The following FGF11 variants were observed in gnomAD, a reference collection of about 807,000 sequenced individuals.
FGF11 encodes fibroblast growth factor homologous factor 3.
FGF11 carries 25 observed loss-of-function variants against 25.1 expected under a neutral mutation model. The ratio of observed to expected loss-of-function variants is 1.00; its 90% CI spans 0.73 to 1.39. FGF11 has a LOEUF of 1.39. Among genes scored for constraint, FGF11 ranks in the 40% most tolerant of loss-of-function variants. The pLI is 0.00. For synonymous variants in FGF11, 130 were observed against 128.9 expected, an observed-to-expected ratio of 1.01 and a Z score of -0.06; for missense variants, 320 against 311.0, an observed-to-expected ratio of 1.03 and a Z score of -0.22.
intron 2 of FGF11, 61 bp downstream of exon 2, chr17:7,441,642 C>A: frequency 6.2e-7 from 1 of 1,602,680 alleles, no homozygotes; most frequent in East Asian, 2.2e-5. Context: ...AGATGACAAT[C>A]CTATTCCCTC....
At position 7,440,825 on chromosome 17, in the gene FGF11, C is replaced by T. The variant is rs1037012234; in HGVS notation, c.194-646C>T. On this transcript the variant is annotated intron_variant, in intron 1 of 4. Coordinates refer to ENST00000293829, the MANE Select transcript of FGF11 (RefSeq NM_004112.4). The surrounding 1 kb of genome is among the most constrained non-coding windows in gnomAD (Gnocchi z 5.4). ...CACCCCCCATATCCTTGGTAAGGTC[C>T]CCCTTACCCCAGGCGAGTTACCTGG... The T allele has an allele frequency of 5.1e-6, 5 of 987,342 alleles. No homozygotes were observed. Among genetic ancestry groups the T allele is most frequent in the African/African-American group, 1.7e-5 (1 of 57,228 alleles). The allele number at this position is 987,342 out of a possible 1,614,324, so 61.2% of individuals were successfully genotyped here.
upstream of FGF11, chr17:7,439,433 T>C: frequency 2.3e-6 from 1 of 431,564 alleles, no homozygotes; most frequent in Non-Finnish European, 3.9e-6. Flanking sequence ...GGCCCACGGG[T>C]GGTAACTGGC....
intron 4 of FGF11, 61 bp from the exon 5 acceptor site, chr17:7,443,015 C>A: frequency 7.3e-7 from 1 of 1,374,198 alleles, no homozygotes; most frequent in Non-Finnish European, 1.0e-6. Context: ...AGCACTGGTT[C>A]TGCCTGGGTC....
upstream of FGF11, among the ~76,000 whole-genome samples, chr17:7,438,706 G>T (rs1350822095): frequency 6.6e-6 from 1 of 152,182 alleles, no homozygotes; most frequent in Non-Finnish European, 1.5e-5. Flanking sequence ...AGATTGGAGG[G>T]CGTGGGATCT....
intron 4 of FGF11, 47 bp from the exon 5 acceptor site, chr17:7,443,029 C>A: frequency 6.8e-7 from 1 of 1,472,054 alleles, no homozygotes; most frequent in Non-Finnish European, 9.5e-7. Context: ...CTGGGTCCCT[C>A]TGTGCCTAAC....
Position 7,441,840 on chromosome 17 carries a change from C to G in FGF11, c.369C>G (p.His123Gln). Reference sequence around the variant, plus strand: ...CCATCCAGAGCGCCAAGCTGGGTCACTACATGGCCATGAATGCTGAGGGAC... The same window carrying G: ...CCATCCAGAGCGCCAAGCTGGGTCAGTACATGGCCATGAATGCTGAGGGAC... ...VVTIQSAKLG[H>Q]YMAMNAEGLL... is the part of the protein sequence containing the mutation. The change falls in exon 3 of 5, where the codon CAC (histidine) becomes CAG (glutamine). Residue 123 changes from histidine to glutamine, a missense_variant. His to Gln is a conservative substitution (Grantham distance 24). Coordinates refer to ENST00000293829, the MANE Select transcript of FGF11 (RefSeq NM_004112.4). The G allele has an allele frequency of 6.2e-7, 1 of 1,612,716 alleles. No individual in the cohort carries two copies.
intron 1 of FGF11, 84 bp from the exon 2 acceptor site, chr17:7,441,387 T>C: frequency 6.4e-7 from 1 of 1,566,964 alleles, no homozygotes; most frequent in South Asian, 1.1e-5. Flanking sequence ...TTCATTCTCC[T>C]TTCTTCCCTC....
At chr17:7,442,164 G>A (rs149012254) in intron 3 of FGF11, 762 of 383,938 alleles carry the variant, frequency 2.0e-3, no homozygotes, top group Admixed American at 4.5e-3. Flanking sequence ...TCCAGATTTT[G>A]TCATTACTCA....
At position 7,440,635 on chromosome 17, in the gene FGF11, C is replaced by T. The variant is rs1166859694; in HGVS notation, c.193+822C>T. On this transcript the variant is annotated intron_variant, in intron 1 of 4. Coordinates refer to ENST00000293829, the MANE Select transcript of FGF11 (RefSeq NM_004112.4). This position sits in a 1 kb window ranked among gnomAD's most constrained non-coding sequence, Gnocchi z 5.4. Reference sequence around the variant, plus strand: ...CGTCCATGTACGACAGTCAGGGAGTCCCTCTGGCCCTGCTCCCGCCCGCTC... The same window carrying T: ...CGTCCATGTACGACAGTCAGGGAGTTCCTCTGGCCCTGCTCCCGCCCGCTC... 10 of 983,694 alleles carry T rather than the reference C, an allele frequency of 1.0e-5. No individual in the cohort carries two copies. The highest frequency in any genetic ancestry group is 1.2e-5 in the Non-Finnish European group (10 of 828,568). 60.9% of individuals were successfully genotyped at this position (983,694 alleles called of 1,614,324 possible).
At chr17:7,442,185 G>A in intron 3 of FGF11, 1 of 368,182 alleles carries the variant, frequency 2.7e-6, no homozygotes, top group Non-Finnish European at 4.9e-6. Flanking sequence ...CTTCCCTAGA[G>A]TCATCCAGGA....
rs768412913 is a variant in FGF11, at chr17:7,441,520, C to A, written c.243C>A (p.Phe81Leu). The change falls in exon 2 of 5, where the codon TTC (phenylalanine) becomes TTA (leucine). Residue 81 changes from phenylalanine (F) to leucine (L), a missense_variant. By Grantham distance (22) the Phe-to-Leu change is conservative. Coordinates refer to ENST00000293829, the MANE Select transcript of FGF11 (RefSeq NM_004112.4). ...CCAAACTGTTCTGCCGCCAGGGTTT[C>A]TACCTCCAGGCGAATCCCGACGGAA... The part of the protein sequence containing the change: ...IVTKLFCRQG[F>L]YLQANPDGSI... 6.2e-7 allele frequency: 1 copy of A among 1,614,196 alleles called. No homozygotes were observed. The highest frequency in any genetic ancestry group is 8.5e-7 in the Non-Finnish European group (1 of 1,180,024).
At chr17:7,441,946 G>A (rs1908349484) in intron 3 of FGF11, 67 bp downstream of exon 3, 3 of 1,231,606 alleles carry the variant, frequency 2.4e-6, no homozygotes, top group East Asian at 4.9e-5. Context: ...GTCCCTTGAG[G>A]GAATGACAAC....
intron 1 of FGF11, 64 bp from the exon 2 acceptor site, chr17:7,441,407 C>T: frequency 6.2e-7 from 1 of 1,602,142 alleles, no homozygotes; most frequent in Non-Finnish European, 8.5e-7. Flanking sequence ...CTAATCCTGC[C>T]AAGTGTAGGA....
At position 7,443,102 on chromosome 17, in the gene FGF11, C is replaced by T. The variant is rs1246673868; in HGVS notation, c.634C>T (p.His212Tyr). ...GGCCATGTACCAGGAGCCTTCTCTC[C>T]ACAGTGTCCCCGAGGCCTCCCCTTC... ...EVAMYQEPSL[H>Y]SVPEASPSSP... Residue 212 changes from histidine (H) to tyrosine (Y), a missense_variant, in exon 5 of 5, where the codon CAC becomes TAC. Physicochemically the swap from His to Tyr is moderately conservative, Grantham distance 83 (BLOSUM62 2). Transcript: ENST00000293829. The T allele has an allele frequency of 6.2e-7, 1 of 1,612,470 alleles. No individual in the cohort carries two copies. Among genetic ancestry groups the T allele is most frequent in the Admixed American group, 1.7e-5 (1 of 59,936 alleles).
intron 1 of FGF11, chr17:7,441,038 A>G: frequency 1.2e-6 from 1 of 801,844 alleles, no homozygotes. Context: ...TCCCACCCCC[A>G]CTCCTGAGGG....
rs987172949 is a variant in FGF11, at chr17:7,439,616, G to A, written c.-5G>A. ...CGGTTTGGGGGTGTCTCCTCCCGGG[G>A]CGCTATGGCGGCGCTGGCCAGTAGC... On this transcript the variant is annotated 5_prime_UTR_variant, in exon 1 of 5. Coordinates refer to ENST00000293829, the MANE Select transcript of FGF11 (RefSeq NM_004112.4). 1 of 1,424,432 alleles carries A rather than the reference G, an allele frequency of 7.0e-7. No individual in the cohort carries two copies. Among genetic ancestry groups the A allele is most frequent in the Non-Finnish European group, 9.1e-7 (1 of 1,098,194 alleles). The allele number at this position is 1,424,432 out of a possible 1,614,324, so 88.2% of individuals were successfully genotyped here.
chr17:7,441,294 G>C (rs1398995299), intron 1 of FGF11, 177 bp from the exon 2 acceptor site: 1 of 792,712 alleles, frequency 1.3e-6, no homozygotes, highest in African/African-American at 1.7e-5. Flanking sequence ...ACCCACACCA[G>C]CTTTCCCAGG....
chr17:7,441,866 T>C lies in FGF11; in HGVS notation c.395T>C (p.Leu132Pro). The change falls in exon 3 of 5, where the codon CTG becomes CCG. Residue 132 changes from leucine (L) to proline (P), a missense_variant. Leu to Pro is a moderately conservative substitution (Grantham distance 98). Transcript: ENST00000293829. ...TACATGGCCATGAATGCTGAGGGAC[T>C]GCTCTACAGTTCGGTGAGACAATGA... Reference protein sequence around the residue: ...GHYMAMNAEGLLYSSPHFTAE... With the variant: ...GHYMAMNAEGPLYSSPHFTAE... The C allele has an allele frequency of 6.2e-7, 1 of 1,604,254 alleles. No homozygotes were observed. Among genetic ancestry groups the C allele is most frequent in the African/African-American group, 1.3e-5 (1 of 74,498 alleles).
At position 7,441,465 on chromosome 17, in the gene FGF11, C is replaced by T. The variant is rs751615605; in HGVS notation, c.194-6C>T. The T allele has an allele frequency of 5.6e-6, 9 of 1,613,962 alleles. No individual in the cohort carries two copies. Among genetic ancestry groups the T allele is most frequent in the South Asian group, 5.5e-5 (5 of 91,078 alleles). On this transcript the variant is annotated splice_polypyrimidine_tract_variant and splice_region_variant and intron_variant, in intron 1 of 4. Transcript: ENST00000293829. ...CATTTTCAAAGATGAATGTCTCTCT[C>T]TCCAGAGCCTCAGCTCAAAGGCATC...
Sources: gnomAD v4.1 joint callset for allele counts (sites outside exome capture counted in the v4.1 genomes callset) on GRCh38, gnomAD v4.1.1 for gene constraint, Gnocchi (gnomAD v3.1) non-coding constraint, MANE v1.5 for transcripts, NCBI Gene and HGNC (gene_info 2026-07-23, HGNC 2026-07-21) for gene names.